Variants in DGKI observed in about 807,000 individuals in gnomAD.
DGKI encodes diacylglycerol kinase iota.
In DGKI, 55 loss-of-function variants were observed where a neutral mutation model predicts 147.5. The observed-to-expected ratio is 0.37, with a 90% CI of 0.30 to 0.47. The LOEUF (loss-of-function observed/expected upper bound fraction) is 0.47, where lower values mean the gene tolerates loss of function less well. Ranked by LOEUF, DGKI falls within the 20% of genes least tolerant of loss-of-function variation. The probability of loss-of-function intolerance (pLI) is 1.00; values close to 1 mark genes in which losing one functional copy is unlikely to be tolerated. For missense variants in DGKI, 1,007 were observed against 1,323.8 expected, an observed-to-expected ratio of 0.76 and a Z score of 3.71; for synonymous variants, 469 against 477.1, an observed-to-expected ratio of 0.98 and a Z score of 0.22.
intron 1 of DGKI, among the ~76,000 whole-genome samples, chr7:137,836,893 C>G (rs552341944): frequency 2.6e-5 from 4 of 152,276 alleles, no homozygotes; most frequent in South Asian, 4.2e-4. Flanking sequence ...TGAGGTCTGG[C>G]TGGGCCCATG....
At chr7:137,627,934 T>C (rs1300137809) in intron 6 of DGKI, among the ~76,000 whole-genome samples, 2 of 152,218 alleles carry the variant, frequency 1.3e-5, no homozygotes, top group African/African-American at 4.8e-5. Flanking sequence ...ACCTCTCCTA[T>C]AACACTAAGT....
intron 32 of DGKI, among the ~76,000 whole-genome samples, chr7:137,392,719 T>C (rs964548612): frequency 3.9e-5 from 6 of 152,242 alleles, no homozygotes; most frequent in African/African-American, 1.4e-4. Context: ...ATTGTGTCTT[T>C]ACTTCCATAA....
At chr7:137,435,593 G>A (rs1184577057) in intron 28 of DGKI, among the ~76,000 whole-genome samples, 3 of 152,102 alleles carry the variant, frequency 2.0e-5, no homozygotes, top group Non-Finnish European at 2.9e-5. Flanking sequence ...TCAAAAATGA[G>A]CACTGTTTTT....
chr7:137,686,995 T>C (rs117658379), intron 2 of DGKI, among the ~76,000 whole-genome samples: 2 of 152,110 alleles, frequency 1.3e-5, no homozygotes, highest in African/African-American at 4.8e-5. Context: ...TCCTTACAGA[T>C]GAAGGAAGAA....
intron 20 of DGKI, among the ~76,000 whole-genome samples, chr7:137,529,813 G>A (rs908375505): frequency 2.6e-5 from 4 of 152,134 alleles, no homozygotes; most frequent in Admixed American, 1.3e-4. Context: ...GCAATGGCAC[G>A]ATCTCGGCTC....
intron 3 of DGKI, among the ~76,000 whole-genome samples, chr7:137,669,703 A>C (rs181685582): frequency 6.6e-6 from 1 of 152,326 alleles, no homozygotes; most frequent in African/African-American, 2.4e-5. Context: ...TTTTGGCTTA[A>C]TGAAAGTTTA....
At chr7:137,746,831 C>G (rs982991288) in intron 1 of DGKI, among the ~76,000 whole-genome samples, 24 of 152,064 alleles carry the variant, frequency 1.6e-4, no homozygotes, top group African/African-American at 5.3e-4. Context: ...TCAGCCTTAT[C>G]GTGTCCTGAA....
At chr7:137,773,213 G>A (rs78466679) in intron 1 of DGKI, among the ~76,000 whole-genome samples, 2 of 152,268 alleles carry the variant, frequency 1.3e-5, no homozygotes, top group African/African-American at 2.4e-5. Flanking sequence ...TTTATAATGG[G>A]ATTTATTTCA....
intron 21 of DGKI, among the ~76,000 whole-genome samples, chr7:137,519,697 T>C (rs1393728417): frequency 6.6e-6 from 1 of 152,070 alleles, no homozygotes; most frequent in Non-Finnish European, 1.5e-5. Flanking sequence ...CATGAATCTG[T>C]ATTCTGTTTC....
intron 1 of DGKI, among the ~76,000 whole-genome samples, chr7:137,713,440 C>T (rs1444390641): frequency 6.6e-6 from 1 of 152,112 alleles, no homozygotes; most frequent in Non-Finnish European, 1.5e-5. Flanking sequence ...TGGAATTTTC[C>T]AAAGCTATCA....
chr7:137,546,710 T>C (rs1156981731), intron 20 of DGKI, among the ~76,000 whole-genome samples: 1 of 152,214 alleles, frequency 6.6e-6, no homozygotes, highest in Non-Finnish European at 1.5e-5. Context: ...TTTTGTTGAC[T>C]TTACATAATT....
intron 20 of DGKI, among the ~76,000 whole-genome samples, chr7:137,524,910 C>A (rs960558340): frequency 1.3e-5 from 2 of 152,102 alleles, no homozygotes; most frequent in African/African-American, 2.4e-5. Context: ...GACTCCCCTT[C>A]CTGGAGCTCC....
chr7:137,739,033 T>C (rs192500436), intron 1 of DGKI, among the ~76,000 whole-genome samples: 1 of 152,230 alleles, frequency 6.6e-6, no homozygotes, highest in East Asian at 1.9e-4. Flanking sequence ...TATCCAAATA[T>C]GTTTTAAGTG....
chr7:137,425,288 G>A (rs1302574579), intron 28 of DGKI, among the ~76,000 whole-genome samples: 1 of 152,218 alleles, frequency 6.6e-6, no homozygotes. Context: ...CAGGCAAACA[G>A]GGTCTGGAGT....
intron 30 of DGKI, among the ~76,000 whole-genome samples, chr7:137,403,966 T>C (rs1811852120): frequency 6.6e-6 from 1 of 152,226 alleles, no homozygotes; most frequent in Non-Finnish European, 1.5e-5. Context: ...CCAGACTTAC[T>C]GAGGCCTCTT....
intron 1 of DGKI, among the ~76,000 whole-genome samples, chr7:137,744,840 C>T (rs112841553): frequency 6.6e-6 from 1 of 152,160 alleles, no homozygotes; most frequent in African/African-American, 2.4e-5. Flanking sequence ...TAAAATCCAA[C>T]ATCCGTTTAT....
At chr7:137,797,667 C>G (rs1797074685) in intron 1 of DGKI, among the ~76,000 whole-genome samples, 1 of 151,644 alleles carries the variant, frequency 6.6e-6, no homozygotes, top group Non-Finnish European at 1.5e-5. Context: ...TAAAGTAACT[C>G]AAAAATAGGT....
intron 1 of DGKI, among the ~76,000 whole-genome samples, chr7:137,835,757 C>G (rs143891364): frequency 2.2e-4 from 34 of 152,238 alleles, no homozygotes; most frequent in African/African-American, 7.9e-4. Context: ...TTGTGATAAA[C>G]CAGTGAGATT....
intron 25 of DGKI, 65 bp from the exon 26 acceptor site, chr7:137,466,100 A>G: frequency 1.3e-6 from 2 of 1,578,570 alleles, no homozygotes; most frequent in Non-Finnish European, 1.7e-6. Flanking sequence ...GTCTCGAGGA[A>G]TAATGAAATT....
Sources: gnomAD v4.1 joint callset for allele counts (sites outside exome capture counted in the v4.1 genomes callset) on GRCh38, gnomAD v4.1.1 for gene constraint, MANE v1.5 for transcripts, NCBI Gene and HGNC (gene_info 2026-07-23, HGNC 2026-07-21) for gene names.